TMC5: variants seen among roughly 807,000 people sequenced by gnomAD.
TMC5 encodes transmembrane channel like 5.
In TMC5, 86 loss-of-function variants were observed where a neutral mutation model predicts 110.5. The observed-to-expected ratio is 0.78, with a 90% confidence interval of 0.65 to 0.93. The LOEUF (loss-of-function observed/expected upper bound fraction) is 0.93. TMC5 is among the 40% of genes least tolerant of loss of function. The pLI, the probability that TMC5 is intolerant of heterozygous loss-of-function variation, is 0.00. For missense variants in TMC5, 1,144 were observed against 1,222.8 expected, an observed-to-expected ratio of 0.94 and a Z score of 0.96; for synonymous variants, 455 against 439.5, an observed-to-expected ratio of 1.04 and a Z score of -0.44.
chr16:19,420,419 T>G (rs1454125304), intron 1 of TMC5, among the ~76,000 whole-genome samples: 2 of 148,370 alleles, frequency 1.3e-5, no homozygotes, highest in African/African-American at 2.5e-5. Context: ...AGAGCAAGAC[T>G]CCGTCTCAAA....
At chr16:19,425,592 G>C (rs1967073926) in intron 1 of TMC5, among the ~76,000 whole-genome samples, 1 of 152,134 alleles carries the variant, frequency 6.6e-6, no homozygotes, top group Non-Finnish European at 1.5e-5. Flanking sequence ...GCGCACAGCT[G>C]TTATCCTGGG....
At chr16:19,426,149 A>G (rs944880498) in intron 1 of TMC5, among the ~76,000 whole-genome samples, 1 of 152,242 alleles carries the variant, frequency 6.6e-6, no homozygotes, top group African/African-American at 2.4e-5. Context: ...GGGTTGTGTT[A>G]TATAATACTT....
At chr16:19,486,792 G>A in intron 15 of TMC5, 153 bp from the exon 16 acceptor site, 1 of 641,818 alleles carries the variant, frequency 1.6e-6, no homozygotes, top group South Asian at 1.9e-5. Context: ...GTCACATTCT[G>A]AGATATTCGG....
rs1555486833 is a variant in TMC5, at chr16:19,492,915, G to GAGATATATATATATATATATATATAT, written c.2826+688_2826+689insGATATATATATATATATATATATATA. On this transcript the variant is annotated intron_variant, in intron 19 of 21. Coordinates refer to ENST00000542583, the MANE Select transcript of TMC5 (RefSeq NM_001261841.2). Reference sequence around the variant, plus strand: ...ATTATTTTTTATTTATTAAAACTTAGATATATATATATATATATCTCTCTA... The same window carrying GAGATATATATATATATATATATATAT: ...ATTATTTTTTATTTATTAAAACTTAGAGATATATATATATATATATATATATATATATATATATATATATCTCTCTA... Among the ~76,000 whole-genome samples, 18 of 42,774 alleles carry GAGATATATATATATATATATATATAT rather than the reference G, an allele frequency of 4.2e-4. 1 individual carries two copies. Among genetic ancestry groups the GAGATATATATATATATATATATATAT allele is most frequent in the Non-Finnish European group, 1.1e-3 (14 of 12,780 alleles). 28.1% of individuals were successfully genotyped at this position (42,774 alleles called of 152,430 possible).
intron 2 of TMC5, among the ~76,000 whole-genome samples, chr16:19,438,445 G>GAAAGAAAGAAAGAAAGAAAGAAAGAAA (rs1225444556): frequency 1.4e-5 from 2 of 144,354 alleles, no homozygotes; most frequent in Non-Finnish European, 3.1e-5. Context: ...GAGAAAGAAA[G>GAAAGAAAGAAAGAAAGAAAGAAAGAAA]AAAGAAAGAA....
chr16:19,455,351 G>T (rs1197106556), intron 5 of TMC5, among the ~76,000 whole-genome samples: 1 of 152,030 alleles, frequency 6.6e-6, no homozygotes, highest in Non-Finnish European at 1.5e-5. Flanking sequence ...AACCCAGGAG[G>T]CAAAGGCTGC....
chr16:19,448,970 T>G (rs1377845362), intron 4 of TMC5, among the ~76,000 whole-genome samples: 2 of 150,724 alleles, frequency 1.3e-5, no homozygotes, highest in Admixed American at 6.6e-5. Flanking sequence ...CATGCCATTC[T>G]GCCCCAGCCT....
At chr16:19,479,373 G>A (rs1968561311) in intron 13 of TMC5, 58 bp from the exon 14 acceptor site, 1 of 1,261,548 alleles carries the variant, frequency 7.9e-7, no homozygotes, top group Admixed American at 1.7e-5. Flanking sequence ...AGGAACAGAG[G>A]AGAATTGAGC....
intron 5 of TMC5, among the ~76,000 whole-genome samples, chr16:19,450,557 T>C (rs1264574064): frequency 2.0e-5 from 3 of 152,110 alleles, no homozygotes; most frequent in Non-Finnish European, 2.9e-5. Flanking sequence ...CTCATTCATC[T>C]CCGTCAGAGT....
intron 5 of TMC5, among the ~76,000 whole-genome samples, chr16:19,457,595 C>T (rs764175177): frequency 6.6e-6 from 1 of 151,754 alleles, no homozygotes; most frequent in African/African-American, 2.4e-5. Context: ...GCACTCCACA[C>T]CTTTGAGGTG....
intron 2 of TMC5, among the ~76,000 whole-genome samples, chr16:19,437,044 G>A (rs181431133): frequency 1.3e-5 from 2 of 152,220 alleles, no homozygotes; most frequent in Admixed American, 6.5e-5. Context: ...GCATAGTGGT[G>A]CACACCTGTA....
rs56178955 is a variant in TMC5 at position 19,495,011 on chromosome 16, C to CTTTTTTTTTT, written c.2931+657_2931+666dup. 2.0e-3 allele frequency among the ~76,000 whole-genome samples: 82 copies of CTTTTTTTTTT among 40,488 alleles called. 13 individuals are homozygous for CTTTTTTTTTT. Among genetic ancestry groups the CTTTTTTTTTT allele is most frequent in the African/African-American group, 7.5e-3 (81 of 10,742 alleles). 26.6% of individuals were successfully genotyped at this position (40,488 alleles called of 152,430 possible). Reference sequence around the variant, plus strand: ...CACTATGAATACTTCAGTGTCTATTCTTTTTTTTTTTTTTTTTTTTTGAGA... The same window carrying CTTTTTTTTTT: ...CACTATGAATACTTCAGTGTCTATTCTTTTTTTTTTTTTTTTTTTTTTTTTTTTTTTGAGA... On this transcript the variant is annotated intron_variant, in intron 20 of 21. Transcript: ENST00000542583.
intron 5 of TMC5, among the ~76,000 whole-genome samples, chr16:19,455,534 C>A (rs954074806): frequency 6.6e-6 from 1 of 152,162 alleles, no homozygotes; most frequent in Admixed American, 6.6e-5. Flanking sequence ...GGACTGAAGC[C>A]CCTTCTGCAG....
intron 9 of TMC5, among the ~76,000 whole-genome samples, chr16:19,468,646 G>T (rs574894509): frequency 6.6e-6 from 1 of 152,278 alleles, no homozygotes; most frequent in South Asian, 2.1e-4. Flanking sequence ...AGGCAGGCAG[G>T]AGGTCAGAGA....
intron 5 of TMC5, among the ~76,000 whole-genome samples, chr16:19,450,033 A>G (rs963876021): frequency 2.0e-5 from 3 of 152,262 alleles, no homozygotes; most frequent in Non-Finnish European, 4.4e-5. Flanking sequence ...GTGACCAAAA[A>G]GTCAACCCTG....
chr16:19,434,115 A>T (rs1967262742), intron 2 of TMC5, among the ~76,000 whole-genome samples: 1 of 117,180 alleles, frequency 8.5e-6, no homozygotes, highest in Non-Finnish European at 1.7e-5. Flanking sequence ...TATTATATAT[A>T]TATCTATATA....
intron 18 of TMC5, 99 bp downstream of exon 18, chr16:19,490,667 A>G (rs1248096086): frequency 8.4e-7 from 1 of 1,193,054 alleles, no homozygotes; most frequent in Non-Finnish European, 1.2e-6. Context: ...GCTATAGCAT[A>G]GCTCAGTGTT....
At chr16:19,476,008 A>C (rs999902706) in intron 12 of TMC5, among the ~76,000 whole-genome samples, 1 of 152,072 alleles carries the variant, frequency 6.6e-6, no homozygotes, top group Non-Finnish European at 1.5e-5. Context: ...TGATTGGTGA[A>C]TGAATAAGCA....
At chr16:19,449,777 C>G (rs768564143) in intron 5 of TMC5, 146 bp downstream of exon 5, 99 of 677,690 alleles carry the variant, frequency 1.5e-4, no homozygotes, top group Middle Eastern at 8.3e-4. Context: ...TGAGGGAGTT[C>G]CCTTGAAATC....
Sources: gnomAD v4.1 joint callset for allele counts (sites outside exome capture counted in the v4.1 genomes callset) on GRCh38, gnomAD v4.1.1 for gene constraint, MANE v1.5 for transcripts, NCBI Gene and HGNC (gene_info 2026-07-23, HGNC 2026-07-21) for gene names.